TCF12: variants seen among roughly 807,000 people sequenced by gnomAD.
The protein encoded by TCF12 is DNA-binding protein HTF4.
TCF12 carries 45 observed loss-of-function variants against 86.0 expected under a neutral mutation model. That is an observed-to-expected ratio of 0.52 (90% CI 0.41 to 0.67). The LOEUF is 0.67. TCF12 is among the 30% of genes least tolerant of loss of function. TCF12 has a pLI of 0.00. For missense variants in TCF12, 881 were observed against 859.9 expected (o/e 1.02, Z -0.31); for synonymous variants, 330 against 299.6 (o/e 1.10, Z -1.05).
At chr15:56,961,802 G>A (rs1008048183) in intron 3 of TCF12, among the ~76,000 whole-genome samples, 2 of 152,108 alleles carry the variant, frequency 1.3e-5, no homozygotes, top group Non-Finnish European at 2.9e-5. Context: ...GTATATAAAT[G>A]TATGTTATGT....
chr15:57,219,163 G>A (rs2058461258), intron 8 of TCF12: 1 of 1,070,086 alleles, frequency 9.3e-7, no homozygotes, highest in African/African-American at 1.6e-5. Flanking sequence ...CCTTCCTTTT[G>A]TGTGTGTATA....
intron 3 of TCF12, among the ~76,000 whole-genome samples, chr15:57,025,289 A>G (rs1193419301): frequency 1.3e-5 from 2 of 152,150 alleles, no homozygotes; most frequent in African/African-American, 4.8e-5. Context: ...CATGTTGGCC[A>G]CGCTGGTCTC....
intron 3 of TCF12, among the ~76,000 whole-genome samples, chr15:57,025,986 A>G (rs1414333269): frequency 6.6e-6 from 1 of 152,260 alleles, no homozygotes; most frequent in African/African-American, 2.4e-5. Context: ...AAAACTGGGA[A>G]TGGGAAGACT....
intron 6 of TCF12, among the ~76,000 whole-genome samples, chr15:57,190,340 G>A (rs890089613): frequency 1.3e-5 from 2 of 152,088 alleles, no homozygotes; most frequent in African/African-American, 4.8e-5. Flanking sequence ...GGGCTATTAG[G>A]GCTACTGTTC....
intron 11 of TCF12, among the ~76,000 whole-genome samples, chr15:57,233,126 A>ATGTTTG (rs1312143113): frequency 4.1e-5 from 6 of 145,876 alleles, no homozygotes; most frequent in Non-Finnish European, 8.9e-5. Flanking sequence ...TTGTGTATAT[A>ATGTTTG]TGTATATATG....
intron 4 of TCF12, among the ~76,000 whole-genome samples, chr15:57,074,346 A>C (rs1434080747): frequency 7.9e-6 from 1 of 127,126 alleles, no homozygotes; most frequent in East Asian, 2.3e-4. Flanking sequence ...GAGAAATTTC[A>C]TGCCCATTTT....
At chr15:57,123,617 G>T (rs1596651652) in intron 5 of TCF12, among the ~76,000 whole-genome samples, 1 of 151,484 alleles carries the variant, frequency 6.6e-6, no homozygotes, top group East Asian at 1.9e-4. Context: ...GAGTAGATGG[G>T]ACTACAGGCG....
intron 1 of TCF12, 78 bp from the exon 2 acceptor site, chr15:56,919,814 T>G (rs1188616822): frequency 1.1e-5 from 14 of 1,318,680 alleles, no homozygotes; most frequent in African/African-American, 4.4e-5. Context: ...TGCGTAATCT[T>G]CCCCAGTACC....
At chr15:57,252,925 T>G in intron 15 of TCF12, among the ~76,000 whole-genome samples, 1 of 129,174 alleles carries the variant, frequency 7.7e-6, no homozygotes, top group East Asian at 2.3e-4. Context: ...GTATAGGTTG[T>G]ACTTTTTTTT....
chr15:57,121,974 T>C (rs2151294274), intron 5 of TCF12, among the ~76,000 whole-genome samples: 1 of 152,218 alleles, frequency 6.6e-6, no homozygotes, highest in East Asian at 1.9e-4. Context: ...ATGGGTGAGA[T>C]TAGAATAAAA....
chr15:56,959,731 C>A (rs934710001), intron 3 of TCF12, among the ~76,000 whole-genome samples: 1 of 151,944 alleles, frequency 6.6e-6, no homozygotes, highest in Non-Finnish European at 1.5e-5. Flanking sequence ...TTTTTACATT[C>A]GGATATCAAA....
chr15:57,116,090 C>A (rs1402186123), intron 5 of TCF12, among the ~76,000 whole-genome samples: 1 of 152,112 alleles, frequency 6.6e-6, no homozygotes, highest in Non-Finnish European at 1.5e-5. Flanking sequence ...GTTAGTCCCA[C>A]CTTATAGTTG....
chr15:57,232,640 A>T, intron 10 of TCF12, 72 bp from the exon 11 acceptor site: 4 of 1,515,154 alleles, frequency 2.6e-6, no homozygotes, highest in Admixed American at 2.0e-5. Flanking sequence ...TTGACCTGTT[A>T]TCATAGTTGT....
chr15:57,010,724 G>T (rs1834741320), intron 3 of TCF12, among the ~76,000 whole-genome samples: 1 of 152,158 alleles, frequency 6.6e-6, no homozygotes, highest in Admixed American at 6.5e-5. Flanking sequence ...TGAAGTTCAT[G>T]GATAGTTTCT....
intron 5 of TCF12, among the ~76,000 whole-genome samples, chr15:57,149,347 C>T (rs1348024146): frequency 6.6e-6 from 1 of 151,970 alleles, no homozygotes; most frequent in Non-Finnish European, 1.5e-5. Flanking sequence ...TCACAACATG[C>T]CAAAGAAAAT....
chr15:57,180,737 T>C, intron 6 of TCF12, among the ~76,000 whole-genome samples: 1 of 151,842 alleles, frequency 6.6e-6, no homozygotes, highest in South Asian at 2.1e-4. Context: ...TGAGGTACTC[T>C]CCATCTAATT....
intron 3 of TCF12, among the ~76,000 whole-genome samples, chr15:57,057,735 G>A: frequency 6.6e-6 from 1 of 152,182 alleles, no homozygotes; most frequent in East Asian, 1.9e-4. Flanking sequence ...GGATGGACAT[G>A]ATTTGGCTTG....
intron 6 of TCF12, among the ~76,000 whole-genome samples, chr15:57,186,312 A>G (rs2056662981): frequency 6.6e-6 from 1 of 152,172 alleles, no homozygotes; most frequent in African/African-American, 2.4e-5. Context: ...CACCCTGGGC[A>G]ATGTGGTAAG....
Position 57,288,493 on chromosome 15 carries a change from G to A in TCF12, c.*2348G>A, listed in dbSNP as rs1328918220. 6.6e-6 allele frequency: 1 copy of A among 152,482 alleles called. No individual in the cohort carries two copies. Among genetic ancestry groups the A allele is most frequent in the Non-Finnish European group, 1.5e-5 (1 of 67,996 alleles). The allele number at this position is 152,482 out of a possible 1,614,324, so 9.4% of individuals were successfully genotyped here. Reference sequence around the variant, plus strand: ...ATAACATTTATGTAGCAATAAATGTGCCATCTTTTTTTTAACACAGTAAAA... The same window carrying A: ...ATAACATTTATGTAGCAATAAATGTACCATCTTTTTTTTAACACAGTAAAA... On this transcript the variant is annotated 3_prime_UTR_variant, in exon 21 of 21. Coordinates refer to ENST00000333725, the MANE Select transcript of TCF12 (RefSeq NM_207037.2).
Sources: allele counts gnomAD v4.1 joint callset (sites outside exome capture counted in the v4.1 genomes callset), GRCh38; gene constraint gnomAD v4.1.1; transcripts MANE v1.5; gene names NCBI Gene and HGNC (gene_info 2026-07-23, HGNC 2026-07-21).